The following ZBTB17 variants were observed in gnomAD, a reference collection of about 807,000 sequenced individuals.
The protein encoded by ZBTB17 is zinc finger and BTB domain containing 17.
ZBTB17 carries 24 observed loss-of-function variants against 85.1 expected under a neutral mutation model. That is an observed-to-expected ratio of 0.28 (90% CI 0.20 to 0.40). The LOEUF is 0.40. Among genes scored for constraint, ZBTB17 ranks in the 10% least tolerant of loss-of-function variants. ZBTB17 has a pLI of 1.00. For synonymous variants in ZBTB17, 464 were observed against 460.2 expected, an observed-to-expected ratio of 1.01 and a Z score of -0.11; for missense variants, 743 against 1,105.1, an observed-to-expected ratio of 0.67 and a Z score of 4.65.
chr1:15,954,735 C>T (rs537503108), intron 2 of ZBTB17, among the ~76,000 whole-genome samples: 1 of 152,258 alleles, frequency 6.6e-6, no homozygotes, highest in South Asian at 2.1e-4. Flanking sequence ...CCTGTGGTTC[C>T]AGCCACTCGG....
intron 5 of ZBTB17, 145 bp from the exon 6 acceptor site, chr1:15,945,985 C>T (rs1419780366): frequency 3.9e-6 from 6 of 1,546,278 alleles, no homozygotes; most frequent in African/African-American, 1.4e-5. Flanking sequence ...GTTGTGTCTG[C>T]TCTGGTTGAA....
At chr1:15,963,984 G>C (rs1328699726) in intron 2 of ZBTB17, among the ~76,000 whole-genome samples, 1 of 151,998 alleles carries the variant, frequency 6.6e-6, no homozygotes, top group Non-Finnish European at 1.5e-5. Context: ...GCAGGGTGTG[G>C]TGGCGAGTGC....
chr1:15,972,591 G>C (rs1168216583), intron 2 of ZBTB17, among the ~76,000 whole-genome samples: 1 of 152,086 alleles, frequency 6.6e-6, no homozygotes, highest in South Asian at 2.1e-4. Flanking sequence ...TTTTGCCCTA[G>C]GGAGATCATA....
intron 2 of ZBTB17, among the ~76,000 whole-genome samples, chr1:15,970,471 A>G (rs1391472381): frequency 1.4e-5 from 2 of 144,256 alleles, no homozygotes; most frequent in African/African-American, 5.0e-5. Flanking sequence ...AGCTCACTGC[A>G]ACCTCCGCCT....
intron 2 of ZBTB17, among the ~76,000 whole-genome samples, chr1:15,970,541 C>T (rs1212227873): frequency 2.0e-5 from 3 of 151,410 alleles, no homozygotes; most frequent in African/African-American, 7.3e-5. Context: ...CACCACCACA[C>T]CCAGCTAATT....
Position 15,946,019 on chromosome 1 carries a change from A to T in ZBTB17, c.535+135T>A, listed in dbSNP as rs769722684. The stretch of plus-strand genomic sequence containing the variant: ...AAACAGACCCCCTGGAACACACAAT[A>T]GGTCATTCTGGGTAACACAGGCTCA... On this transcript the variant is annotated intron_variant, in intron 5 of 15. Transcript: ENST00000375743. 2.6e-6 allele frequency: 4 copies of T among 1,549,414 alleles called. No individual in the cohort carries two copies. In the African/African-American group the frequency reaches 5.4e-5, roughly 21 times the overall value.
chr1:15,966,399 T>G lies in ZBTB17; in HGVS notation c.-3+6640A>C, dbSNP rs1481072225. Among the ~76,000 whole-genome samples the G allele has an allele frequency of 6.6e-6, 1 of 152,178 alleles. No individual in the cohort carries two copies. The highest frequency in any genetic ancestry group is 1.5e-5 in the Non-Finnish European group (1 of 68,024). On this transcript the variant is annotated intron_variant, in intron 2 of 15. Transcript: ENST00000375743. The surrounding 1 kb of genome is among the most constrained non-coding windows in gnomAD (Gnocchi z 4.1). ...CCAGAAGCTGAGTAGATTTTTGATG[T>G]TACAATGAACCCACTAAGCCTGCTT...
Position 15,944,735 on chromosome 1 carries a change from G to A in ZBTB17, c.1032C>T (p.Ser344=). The A allele has an allele frequency of 1.9e-6, 3 of 1,611,938 alleles. No homozygotes were observed. The highest frequency in any genetic ancestry group is 1.7e-5 in the Admixed American group (1 of 60,010). ...CATGGGCCTTGCACGCGGCCGGGTC[G>A]GAAAAGGCCTTGCTGCACTCCCGGC... ...FSCRECSKAF[S]DPAACKAHEK... Residue 344 remains serine, a synonymous_variant, in exon 8 of 16, where the codon TCC becomes TCT. Transcript: ENST00000375743.
chr1:15,948,265 G>C, intron 3 of ZBTB17, 26 bp downstream of exon 3: 2 of 1,613,106 alleles, frequency 1.2e-6, no homozygotes, highest in Non-Finnish European at 1.7e-6. Context: ...CTATCAGCAA[G>C]CTCAGCCCCA....
chr1:15,957,565 C>A (rs558297973), intron 2 of ZBTB17, among the ~76,000 whole-genome samples: 2 of 151,954 alleles, frequency 1.3e-5, no homozygotes, highest in Middle Eastern at 3.2e-3. Flanking sequence ...TTGGGAGTGA[C>A]GAAGAGTGAC....
At chr1:15,950,319 A>G (rs1291247966) in intron 2 of ZBTB17, among the ~76,000 whole-genome samples, 1 of 152,264 alleles carries the variant, frequency 6.6e-6, no homozygotes, top group African/African-American at 2.4e-5. Context: ...GGAGGCACCA[A>G]TGTCCAGCTT....
chr1:15,946,967 G>C lies in ZBTB17; in HGVS notation c.362C>G (p.Pro121Arg). Reference protein sequence around the residue: ...LKSLAEPATSPGGNAEALATE... With the variant: ...LKSLAEPATSRGGNAEALATE... ...GGCCAAGGCCTCCGCATTTCCCCCA[G>C]GGCTGGTAGCCGGCTCAGCAAGTGA... The change falls in exon 4 of 16, where the codon CCT becomes CGT. Residue 121 changes from proline (P) to arginine (R), a missense_variant. Physicochemically the swap from Pro to Arg is moderately radical, Grantham distance 103. Coordinates refer to ENST00000375743, the MANE Select transcript of ZBTB17 (RefSeq NM_003443.3). 2 of 1,613,550 alleles carry C rather than the reference G, an allele frequency of 1.2e-6. No homozygotes were observed. Among genetic ancestry groups the C allele is most frequent in the Admixed American group, 1.7e-5 (1 of 60,012 alleles).
Position 15,951,276 on chromosome 1 carries a change from C to T in ZBTB17, c.-2-2779G>A, listed in dbSNP as rs549755310. ...GGGGGGAGGAAGAAGTGAAGATGGG[C>T]AAAGTAAGGGAAGGAAAGGAGAGAG... On this transcript the variant is annotated intron_variant, in intron 2 of 15. Transcript: ENST00000375743. The surrounding 1 kb of genome is among the most constrained non-coding windows in gnomAD (Gnocchi z 4.1). Among the ~76,000 whole-genome samples, 2 of 126,292 alleles carry T rather than the reference C, an allele frequency of 1.6e-5. No individual in the cohort carries two copies. The highest frequency in any genetic ancestry group is 5.6e-4 in the South Asian group (2 of 3,546). The allele number at this position is 126,292 out of a possible 152,430, so 82.9% of individuals were successfully genotyped here. A position where few individuals can be genotyped will look rare whatever the true frequency, so the allele number is the denominator to read the frequency against.
At chr1:15,971,027 A>G (rs899707156) in intron 2 of ZBTB17, among the ~76,000 whole-genome samples, 1 of 151,458 alleles carries the variant, frequency 6.6e-6, no homozygotes, top group Non-Finnish European at 1.5e-5. Flanking sequence ...CAATAGAGGG[A>G]AAAAAAAAGT....
At position 15,966,260 on chromosome 1, in the gene ZBTB17, A is replaced by G. The variant is rs554714776; in HGVS notation, c.-3+6779T>C. 6.6e-6 allele frequency among the ~76,000 whole-genome samples: 1 copy of G among 152,178 alleles called. No individual in the cohort carries two copies. The highest frequency in any genetic ancestry group is 2.1e-4 in the South Asian group (1 of 4,826). On this transcript the variant is annotated intron_variant, in intron 2 of 15. Coordinates refer to ENST00000375743, the MANE Select transcript of ZBTB17 (RefSeq NM_003443.3). This position sits in a 1 kb window ranked among gnomAD's most constrained non-coding sequence, Gnocchi z 4.1. Reference sequence around the variant, plus strand: ...CCATGGGGCAGGCTGGCGAAATTCGAGTGGAGCCTGCCACTCGGGACAGGA... The same window carrying G: ...CCATGGGGCAGGCTGGCGAAATTCGGGTGGAGCCTGCCACTCGGGACAGGA...
At chr1:15,947,224 C>T in intron 3 of ZBTB17, 101 bp from the exon 4 acceptor site, 1 of 1,260,992 alleles carries the variant, frequency 7.9e-7, no homozygotes, top group South Asian at 1.5e-5. Context: ...GATTTAGGAA[C>T]AGCTGAGTGG....
chr1:15,942,641 G>A lies in ZBTB17; in HGVS notation c.1926C>T (p.Gly642=), dbSNP rs887463361. The A allele has an allele frequency of 3.1e-6, 5 of 1,613,536 alleles. No homozygotes were observed. The African/African-American group carries it at 5.3e-5, about 17-fold the overall frequency. ...HVKTVHQGKA[G]IKILEPEEGS... Reference sequence around the variant, plus strand: ...CCTCCTCGGGCTCCAGGATCTTGATGCCTGCCTTGCCCTGGTGCACGGTCT... The same window carrying A: ...CCTCCTCGGGCTCCAGGATCTTGATACCTGCCTTGCCCTGGTGCACGGTCT... Residue 642 remains glycine, a synonymous_variant, in exon 14 of 16, where the codon GGC becomes GGT. Coordinates refer to ENST00000375743, the MANE Select transcript of ZBTB17 (RefSeq NM_003443.3).
intron 2 of ZBTB17, chr1:15,969,688 G>A (rs939053844): frequency 3.2e-5 from 15 of 468,550 alleles, no homozygotes; most frequent in Middle Eastern, 4.8e-4. Flanking sequence ...CTTCGCCATC[G>A]CCAGCATCAC....
At position 15,946,127 on chromosome 1, in the gene ZBTB17, C is replaced by T. The variant is rs139029806; in HGVS notation, c.535+27G>A. 2.4e-4 allele frequency: 391 copies of T among 1,602,296 alleles called. No homozygotes were observed. In the African/African-American group the frequency reaches 4.3e-3, roughly 18 times the overall value. Reference sequence around the variant, plus strand: ...GGCTGCTGGGAGGTGACAGGACAGCCGGCTGGGTCCTTGGCATCTGACTCA... The same window carrying T: ...GGCTGCTGGGAGGTGACAGGACAGCTGGCTGGGTCCTTGGCATCTGACTCA... On this transcript the variant is annotated intron_variant, in intron 5 of 15. Coordinates refer to ENST00000375743, the MANE Select transcript of ZBTB17 (RefSeq NM_003443.3).
Sources: allele counts gnomAD v4.1 joint callset (sites outside exome capture counted in the v4.1 genomes callset), GRCh38; gene constraint gnomAD v4.1.1; non-coding constraint Gnocchi (gnomAD v3.1); transcripts MANE v1.5; gene names NCBI Gene and HGNC (gene_info 2026-07-23, HGNC 2026-07-21).